SUCLG2: variants seen among roughly 807,000 people sequenced by gnomAD.
The protein encoded by SUCLG2 is succinate-CoA ligase GDP-forming subunit beta, also known as succinate--CoA ligase [GDP-forming] subunit beta, mitochondrial.
Under a neutral mutation model 47.9 loss-of-function variants are expected in SUCLG2, and 42 were observed. The observed-to-expected ratio is 0.88, with a 90% CI of 0.69 to 1.14. The LOEUF (loss-of-function observed/expected upper bound fraction) is 1.14, where lower values mean the gene tolerates loss of function less well. Among genes scored for constraint, SUCLG2 ranks in the 50% most tolerant of loss-of-function variants. The pLI is 0.00. For synonymous variants in SUCLG2, 195 were observed against 197.3 expected (o/e 0.99, Z 0.10); for missense variants, 571 against 525.9 (o/e 1.09, Z -0.84).
intron 8 of SUCLG2, 54 bp downstream of exon 8, chr3:67,498,080 T>A: frequency 1.3e-6 from 2 of 1,518,294 alleles, no homozygotes; most frequent in Non-Finnish European, 1.8e-6. Flanking sequence ...AATCAAGGTT[T>A]CCTAAATTCT....
rs191824827 is a variant in SUCLG2, at chr3:67,619,759, T to C, written c.85-10163A>G. On this transcript the variant is annotated intron_variant, in intron 1 of 10. Coordinates refer to ENST00000307227, the MANE Select transcript of SUCLG2 (RefSeq NM_003848.4). ...GACAAATGCCCAAAGGAGAGTTTGC[T>C]GCATAACTCTATAATGCTGCTCTGC... 2.0e-5 allele frequency among the ~76,000 whole-genome samples: 3 copies of C among 152,314 alleles called. No homozygotes were observed. In the East Asian group the frequency reaches 5.8e-4, roughly 29 times the overall value.
chr3:67,412,528 T>G (rs988871809), intron 9 of SUCLG2, among the ~76,000 whole-genome samples: 1 of 152,094 alleles, frequency 6.6e-6, no homozygotes, highest in African/African-American at 2.4e-5. Flanking sequence ...AACGGATTAA[T>G]GGGTTCCTTT....
At chr3:67,511,048 C>G (rs552420462) in intron 6 of SUCLG2, among the ~76,000 whole-genome samples, 59 of 152,076 alleles carry the variant, frequency 3.9e-4, no homozygotes, top group African/African-American at 1.3e-3. Context: ...GCCACCAAGC[C>G]TGGCTAATTT....
At chr3:67,434,359 C>A (rs1703563402) in intron 9 of SUCLG2, among the ~76,000 whole-genome samples, 1 of 152,074 alleles carries the variant, frequency 6.6e-6, no homozygotes, top group South Asian at 2.1e-4. Flanking sequence ...GAACCTATCT[C>A]TACAAAAAAT....
intron 9 of SUCLG2, among the ~76,000 whole-genome samples, chr3:67,485,722 T>C (rs1307591376): frequency 6.6e-6 from 1 of 152,186 alleles, no homozygotes; most frequent in Non-Finnish European, 1.5e-5. Flanking sequence ...ATTTAATATT[T>C]AAAAACTTCC....
intron 2 of SUCLG2, among the ~76,000 whole-genome samples, chr3:67,551,531 A>G (rs956570410): frequency 1.1e-4 from 16 of 152,144 alleles, no homozygotes; most frequent in South Asian, 2.1e-4. Flanking sequence ...GCTGAGGCTT[A>G]TATCAGCACA....
intron 1 of SUCLG2, among the ~76,000 whole-genome samples, chr3:67,632,629 A>G (rs1327024576): frequency 6.6e-6 from 1 of 152,174 alleles, no homozygotes; most frequent in Non-Finnish European, 1.5e-5. Flanking sequence ...GATAATGACC[A>G]CAACCACTTA....
intron 9 of SUCLG2, among the ~76,000 whole-genome samples, chr3:67,468,485 G>A (rs1559537635): frequency 6.6e-6 from 1 of 152,140 alleles, no homozygotes; most frequent in Non-Finnish European, 1.5e-5. Flanking sequence ...TGGCCTGGAA[G>A]TTTCCATTTC....
chr3:67,530,962 C>A (rs1559560099), intron 2 of SUCLG2, among the ~76,000 whole-genome samples: 1 of 152,112 alleles, frequency 6.6e-6, no homozygotes, highest in African/African-American at 2.4e-5. Flanking sequence ...TTAAACAGAC[C>A]TGGTTAAAAT....
chr3:67,632,245 C>T (rs987663638), intron 1 of SUCLG2, among the ~76,000 whole-genome samples: 4 of 152,064 alleles, frequency 2.6e-5, no homozygotes, highest in African/African-American at 4.8e-5. Flanking sequence ...TGCACTGGTG[C>T]GATCTCTGCT....
chr3:67,434,893 G>T (rs1575693148), intron 9 of SUCLG2, among the ~76,000 whole-genome samples: 2 of 152,310 alleles, frequency 1.3e-5, no homozygotes, highest in South Asian at 2.1e-4. Flanking sequence ...CATTGTACCA[G>T]TTCTTAAATG....
At chr3:67,600,969 C>T (rs1300095919) in intron 2 of SUCLG2, among the ~76,000 whole-genome samples, 2 of 152,156 alleles carry the variant, frequency 1.3e-5, no homozygotes, top group Non-Finnish European at 2.9e-5. Context: ...CAGAAGCTAG[C>T]ACTACCTAAT....
intron 2 of SUCLG2, among the ~76,000 whole-genome samples, chr3:67,552,468 C>T (rs1330626025): frequency 6.6e-6 from 1 of 152,186 alleles, no homozygotes; most frequent in Non-Finnish European, 1.5e-5. Flanking sequence ...GTACAAAAGT[C>T]AGAGAGCAAT....
intron 6 of SUCLG2, among the ~76,000 whole-genome samples, chr3:67,516,062 A>G (rs1705937979): frequency 6.6e-6 from 1 of 152,104 alleles, no homozygotes; most frequent in South Asian, 2.1e-4. Context: ...CTGAGGAACA[A>G]TGGTTATTTT....
chr3:67,407,971 C>T (rs1214598219), intron 9 of SUCLG2, among the ~76,000 whole-genome samples: 1 of 152,012 alleles, frequency 6.6e-6, no homozygotes, highest in Non-Finnish European at 1.5e-5. Context: ...TGTTTGTATG[C>T]CTGGATTTAA....
At chr3:67,597,703 G>A (rs1708324688) in intron 2 of SUCLG2, among the ~76,000 whole-genome samples, 2 of 152,092 alleles carry the variant, frequency 1.3e-5, no homozygotes, top group Middle Eastern at 3.2e-3. Context: ...ACTTTGGGAG[G>A]CCAAGGCGGG....
chr3:67,638,209 T>C (rs1308499705), intron 1 of SUCLG2, among the ~76,000 whole-genome samples: 2 of 152,138 alleles, frequency 1.3e-5, no homozygotes, highest in African/African-American at 4.8e-5. Flanking sequence ...TTGTGTAAAA[T>C]GAAGATAAAT....
intron 1 of SUCLG2, among the ~76,000 whole-genome samples, chr3:67,631,322 C>G (rs554355075): frequency 6.6e-6 from 1 of 151,992 alleles, no homozygotes; most frequent in African/African-American, 2.4e-5. Flanking sequence ...AATGTAAGGC[C>G]CAGGAGTATA....
chr3:67,424,671 C>A (rs566947651), intron 9 of SUCLG2, among the ~76,000 whole-genome samples: 27 of 152,194 alleles, frequency 1.8e-4, no homozygotes, highest in African/African-American at 6.5e-4. Flanking sequence ...AAGATCCTGG[C>A]AAGTCATAAG....
Sources: allele counts gnomAD v4.1 joint callset (sites outside exome capture counted in the v4.1 genomes callset), GRCh38; gene constraint gnomAD v4.1.1; transcripts MANE v1.5; gene names NCBI Gene and HGNC (gene_info 2026-07-23, HGNC 2026-07-21).